KCNN2: variants seen among roughly 807,000 people sequenced by gnomAD.
KCNN2 encodes potassium calcium-activated channel subfamily N member 2.
A neutral mutation model predicts 55.5 loss-of-function variants in KCNN2; 24 were observed. The observed-to-expected ratio is 0.43, with a 90% CI of 0.31 to 0.61. The LOEUF (loss-of-function observed/expected upper bound fraction) is 0.61. KCNN2 is among the 20% of genes least tolerant of loss of function. KCNN2 has a pLI of 0.08. For synonymous variants in KCNN2, 431 were observed against 336.1 expected (o/e 1.28, Z -3.09); for missense variants, 754 against 853.6 (o/e 0.88, Z 1.45).
chr5:114,219,520 T>A (rs937739954), intron 1 of KCNN2, among the ~76,000 whole-genome samples: 1 of 152,158 alleles, frequency 6.6e-6, no homozygotes, highest in Non-Finnish European at 1.5e-5. Context: ...TCTTTGAAGT[T>A]AAACTGTCAA....
chr5:114,273,174 G>T (rs1755402310), intron 2 of KCNN2, among the ~76,000 whole-genome samples: 2 of 152,116 alleles, frequency 1.3e-5, no homozygotes, highest in Non-Finnish European at 1.5e-5. Context: ...ATGATTTCCA[G>T]CTTCATCCAT....
intron 1 of KCNN2, among the ~76,000 whole-genome samples, chr5:114,153,385 C>T (rs1398956741): frequency 7.9e-5 from 12 of 152,114 alleles, no homozygotes; most frequent in Admixed American, 7.9e-4. Flanking sequence ...TATGTTCTGC[C>T]AATAGGGACC....
In KCNN2 at chr5:114,415,392, A is replaced by C. The variant is rs575956760; in HGVS notation, c.1637+10536A>C. On this transcript the variant is annotated intron_variant, in intron 3 of 7. Transcript: ENST00000673685. ...GGCAATGTATGAAGGTTCCAGTTTTATCACATCCTTGACAACATTGTCAGT... is the reference window on the plus strand; with the variant it reads ...GGCAATGTATGAAGGTTCCAGTTTTCTCACATCCTTGACAACATTGTCAGT... Among the ~76,000 whole-genome samples, 10 of 152,334 alleles carry C rather than the reference A, an allele frequency of 6.6e-5. 1 individual carries two copies. The highest frequency in any genetic ancestry group is 2.6e-4 in the Admixed American group (4 of 15,302).
rs532851340 is a variant in KCNN2 at position 114,301,848 on chromosome 5, G to A, written c.-184-59097G>A. Among the ~76,000 whole-genome samples, 6 of 152,282 alleles carry A rather than the reference G, an allele frequency of 3.9e-5. No individual in the cohort carries two copies. The East Asian group carries it at 5.8e-4, about 15-fold the overall frequency. On this transcript the variant is annotated intron_variant, in intron 2 of 10. Transcript: ENST00000512097. ...TACATTTGCTTATTTGACTAAAGCAGTGTAACAGCTGAGGTTTGTTAAGTG... is the reference window on the plus strand; with the variant it reads ...TACATTTGCTTATTTGACTAAAGCAATGTAACAGCTGAGGTTTGTTAAGTG...
intron 1 of KCNN2, among the ~76,000 whole-genome samples, chr5:114,186,088 G>C (rs1753326206): frequency 1.3e-5 from 2 of 152,056 alleles, no homozygotes; most frequent in Non-Finnish European, 2.9e-5. Flanking sequence ...GCAAATGTAA[G>C]TTTCTTTCCT....
chr5:114,408,130 C>T (rs1359502720), intron 3 of KCNN2, among the ~76,000 whole-genome samples: 2 of 151,794 alleles, frequency 1.3e-5, no homozygotes, highest in African/African-American at 2.4e-5. Flanking sequence ...TGGTTTTTCA[C>T]CACTGTTGCC....
intron 5 of KCNN2, among the ~76,000 whole-genome samples, chr5:114,485,194 A>T (rs190608334): frequency 6.6e-6 from 1 of 150,964 alleles, no homozygotes; most frequent in African/African-American, 2.5e-5. Context: ...ATTGGTTTTT[A>T]CCTAGGGTTT....
chr5:114,243,930 A>C (rs1479708759), intron 2 of KCNN2, among the ~76,000 whole-genome samples: 4 of 152,170 alleles, frequency 2.6e-5, no homozygotes, highest in Admixed American at 6.5e-5. Flanking sequence ...CCCTGTCTTA[A>C]ACTACTGCGG....
chr5:114,130,792 A>C (rs1443445197), intron 1 of KCNN2, among the ~76,000 whole-genome samples: 2 of 152,212 alleles, frequency 1.3e-5, no homozygotes, highest in African/African-American at 4.8e-5. Context: ...AGACAGCCTC[A>C]AAGCATGTAT....
chr5:114,337,159 CAGAT>C (rs964698658), intron 2 of KCNN2, among the ~76,000 whole-genome samples: 4 of 152,040 alleles, frequency 2.6e-5, no homozygotes, highest in Admixed American at 1.3e-4. Flanking sequence ...AGAGATATCT[CAGAT>C]AGATTTTGTA....
chr5:114,183,583 T>G (rs989290552), intron 1 of KCNN2, among the ~76,000 whole-genome samples: 11 of 152,140 alleles, frequency 7.2e-5, no homozygotes, highest in Admixed American at 3.9e-4. Flanking sequence ...AGTTGTATAT[T>G]TGAAGAATCT....
At position 114,255,141 on chromosome 5, in the gene KCNN2, C is replaced by T. The variant is rs530647648; in HGVS notation, c.-185+33576C>T. ...TTGATCATTTAATATGTATAAGTTACGGTGAAAGGCACATGGGTATACAAA... is the reference window on the plus strand; with the variant it reads ...TTGATCATTTAATATGTATAAGTTATGGTGAAAGGCACATGGGTATACAAA... On this transcript the variant is annotated intron_variant, in intron 2 of 10. Coordinates refer to the KCNN2 transcript ENST00000512097. 1.4e-4 allele frequency among the ~76,000 whole-genome samples: 21 copies of T among 152,184 alleles called. No homozygotes were observed. The South Asian group carries it at 2.7e-3, about 20-fold the overall frequency.
intron 1 of KCNN2, among the ~76,000 whole-genome samples, chr5:114,082,879 T>C (rs1159282564): frequency 1.3e-5 from 2 of 152,046 alleles, no homozygotes; most frequent in Non-Finnish European, 2.9e-5. Context: ...CCACAGAAAG[T>C]AGAATGGTGG....
chr5:114,121,907 G>T (rs1402110048), intron 1 of KCNN2, among the ~76,000 whole-genome samples: 3 of 152,204 alleles, frequency 2.0e-5, no homozygotes, highest in African/African-American at 4.8e-5. Flanking sequence ...ATAATGCCAG[G>T]ATTATGTTCT....
chr5:114,309,984 CAA>C (rs1213961561), intron 2 of KCNN2, among the ~76,000 whole-genome samples: 2 of 152,288 alleles, frequency 1.3e-5, no homozygotes, highest in South Asian at 2.1e-4. Context: ...GTTTATTTCA[CAA>C]AAGACTTTCC....
chr5:114,232,476 C>T (rs1754382206), intron 2 of KCNN2, among the ~76,000 whole-genome samples: 2 of 151,122 alleles, frequency 1.3e-5, no homozygotes, highest in South Asian at 4.2e-4. Flanking sequence ...CCAGTCTGTC[C>T]ACATGTACTC....
intron 3 of KCNN2, among the ~76,000 whole-genome samples, chr5:114,438,787 A>G (rs764337527): frequency 5.9e-5 from 9 of 152,058 alleles, no homozygotes; most frequent in Admixed American, 3.3e-4. Context: ...ATTTTCCCCT[A>G]TTTGCCTGTC....
intron 3 of KCNN2, among the ~76,000 whole-genome samples, 181 bp downstream of exon 3, chr5:114,405,037 G>GCCTT (rs1758888692): frequency 6.6e-6 from 1 of 152,136 alleles, no homozygotes. Context: ...TAGAGCAAAT[G>GCCTT]CCTTCATGCT....
chr5:114,087,464 G>A (rs531877364), intron 1 of KCNN2, among the ~76,000 whole-genome samples: 1 of 152,080 alleles, frequency 6.6e-6, no homozygotes, highest in African/African-American at 2.4e-5. Flanking sequence ...TATGGTAAAA[G>A]GTAGGGGTCC....
Sources: gnomAD v4.1 joint callset for allele counts (sites outside exome capture counted in the v4.1 genomes callset) on GRCh38, gnomAD v4.1.1 for gene constraint, MANE v1.5 for transcripts, NCBI Gene and HGNC (gene_info 2026-07-23, HGNC 2026-07-21) for gene names.